Variants in ERG observed in about 807,000 individuals in gnomAD.
The protein encoded by ERG is transcriptional regulator ERG.
ERG carries 9 observed loss-of-function variants against 55.3 expected under a neutral mutation model. The observed-to-expected ratio is 0.16, with a 90% CI of 0.10 to 0.28. The LOEUF is 0.28. Among genes scored for constraint, ERG ranks in the 10% least tolerant of loss-of-function variants. ERG has a pLI of 1.00. For missense variants in ERG, 434 were observed against 631.6 expected (o/e 0.69, Z 3.35); for synonymous variants, 223 against 237.3 (o/e 0.94, Z 0.55).
intron 1 of ERG, among the ~76,000 whole-genome samples, chr21:38,467,317 GCCTCAAACAAA>G (rs71760552): frequency 0.3 from 45,422 of 151,952 alleles, 8,467 homozygotes; most frequent in Non-Finnish European, 0.41. Context: ...TTGCACTGTT[GCCTCAAACAAA>G]CCTCCCTCCT....
chr21:38,549,548 T>C (rs9978706), intron 2 of ERG, among the ~76,000 whole-genome samples: 3 of 151,674 alleles, frequency 2.0e-5, no homozygotes, highest in African/African-American at 7.3e-5. Flanking sequence ...ATTGTTGGGG[T>C]TTATTATTTG....
At chr21:38,480,456 T>G (rs1428219680) in intron 1 of ERG, among the ~76,000 whole-genome samples, 4 of 152,088 alleles carry the variant, frequency 2.6e-5, no homozygotes, top group African/African-American at 9.7e-5. Flanking sequence ...ACTCCCAAGC[T>G]ATAACAGAAT....
chr21:38,508,533 C>T (rs2059487387), intron 2 of ERG, among the ~76,000 whole-genome samples: 1 of 152,134 alleles, frequency 6.6e-6, no homozygotes, highest in Non-Finnish European at 1.5e-5. Context: ...ATAAGAGCTC[C>T]CATTTGTATA....
At position 38,445,386 on chromosome 21, in the gene ERG, G is replaced by A. The variant is rs1289413418; in HGVS notation, c.236+18C>T. 3.1e-6 allele frequency: 5 copies of A among 1,594,282 alleles called. No homozygotes were observed. The stretch of plus-strand genomic sequence containing the variant: ...AAAATGGGAGGTCAGGGAGAGAAAG[G>A]GGCGGAAGTCTCCTTACCTTGAGCC... On this transcript the variant is annotated intron_variant, in intron 2 of 9. Transcript: ENST00000288319.
chr21:38,520,741 C>T (rs753732392), intron 2 of ERG, among the ~76,000 whole-genome samples: 2 of 151,802 alleles, frequency 1.3e-5, no homozygotes, highest in South Asian at 2.1e-4. Flanking sequence ...GCAGAGAGCA[C>T]GAAAAAAGAA....
upstream of ERG, among the ~76,000 whole-genome samples, chr21:38,501,358 C>A (rs1039311227): frequency 4.0e-5 from 6 of 151,826 alleles, no homozygotes; most frequent in Non-Finnish European, 8.8e-5. Flanking sequence ...TGAACCACCA[C>A]GCCCGGCCAA....
At chr21:38,420,141 T>G (rs1349240310) in intron 3 of ERG, among the ~76,000 whole-genome samples, 1 of 152,136 alleles carries the variant, frequency 6.6e-6, no homozygotes, top group Non-Finnish European at 1.5e-5. Context: ...GAGAATTCTT[T>G]TTGCACACAT....
chr21:38,428,491 G>T (rs1464054630), intron 2 of ERG, among the ~76,000 whole-genome samples: 2 of 152,182 alleles, frequency 1.3e-5, no homozygotes, highest in Non-Finnish European at 2.9e-5. Flanking sequence ...GACGTTCAAT[G>T]CATTGTTTTA....
At chr21:38,547,961 A>G (rs2059798551) in intron 2 of ERG, among the ~76,000 whole-genome samples, 1 of 152,244 alleles carries the variant, frequency 6.6e-6, no homozygotes, top group East Asian at 1.9e-4. Flanking sequence ...ATGAAAATAC[A>G]TAGACTCTAA....
chr21:38,464,407 C>T (rs944456012), intron 1 of ERG, among the ~76,000 whole-genome samples: 5 of 152,142 alleles, frequency 3.3e-5, no homozygotes, highest in Non-Finnish European at 7.4e-5. Context: ...GACAAGAAGT[C>T]CTAAAACATC....
intron 1 of ERG, among the ~76,000 whole-genome samples, chr21:38,648,884 G>A (rs181222807): frequency 1.1e-4 from 17 of 152,272 alleles, no homozygotes; most frequent in African/African-American, 3.6e-4. Context: ...CACTAACGAC[G>A]ACACTTCAGA....
chr21:38,468,741 T>C (rs1168965579), intron 1 of ERG, among the ~76,000 whole-genome samples: 1 of 151,926 alleles, frequency 6.6e-6, no homozygotes, highest in Non-Finnish European at 1.5e-5. Context: ...ATCCCAGCAC[T>C]TTGGGAGGCC....
At chr21:38,493,923 T>C (rs1476930760) in intron 1 of ERG, among the ~76,000 whole-genome samples, 1 of 152,072 alleles carries the variant, frequency 6.6e-6, no homozygotes, top group African/African-American at 2.4e-5. Flanking sequence ...CCGTGGGAAA[T>C]GTTGAGACGA....
rs139816800 is a variant in ERG, at chr21:38,399,557, C to T, written c.745+1017G>A. On this transcript the variant is annotated intron_variant, in intron 6 of 9. Coordinates refer to ENST00000288319, the MANE Select transcript of ERG (RefSeq NM_182918.4). ...AGCTGTGAGGCTGGTACAATGATAC[C>T]TAGCTTATCGGGCTGATGTAAGTCC... Among the ~76,000 whole-genome samples, 14 of 152,320 alleles carry T rather than the reference C, an allele frequency of 9.2e-5. No homozygotes were observed. The East Asian group carries it at 2.7e-3, about 29-fold the overall frequency.
intron 2 of ERG, among the ~76,000 whole-genome samples, chr21:38,526,520 G>T (rs1046757289): frequency 1.3e-5 from 2 of 151,996 alleles, no homozygotes; most frequent in South Asian, 2.1e-4. Flanking sequence ...AACACATATG[G>T]CAATGAATAA....
At chr21:38,592,571 CTGTGTGTGTGTGTGTG>C (rs56195027) in intron 1 of ERG, among the ~76,000 whole-genome samples, 5,235 of 148,084 alleles carry the variant, frequency 0.035, 298 homozygotes, top group African/African-American at 0.12. Flanking sequence ...TCTCCCTTCA[CTGTGTGTGTGTGTGTG>C]TGTGTGTGTG....
chr21:38,592,921 C>A (rs2060109632), intron 1 of ERG, among the ~76,000 whole-genome samples: 1 of 152,154 alleles, frequency 6.6e-6, no homozygotes, highest in South Asian at 2.1e-4. Context: ...TCATGACATT[C>A]AATCAACCTT....
chr21:38,388,388 A>T (rs1194527029), intron 9 of ERG, among the ~76,000 whole-genome samples: 1 of 152,366 alleles, frequency 6.6e-6, no homozygotes, highest in Non-Finnish European at 1.5e-5. Flanking sequence ...TGCTGACATC[A>T]TCCTGTGCAT....
downstream of ERG, among the ~76,000 whole-genome samples, chr21:38,378,653 A>G (rs746569711): frequency 2.2e-4 from 34 of 152,176 alleles, no homozygotes; most frequent in Non-Finnish European, 4.1e-4. Flanking sequence ...CTGAACCTGC[A>G]CTAACTGTCC....
Sources: allele counts gnomAD v4.1 joint callset (sites outside exome capture counted in the v4.1 genomes callset), GRCh38; gene constraint gnomAD v4.1.1; transcripts MANE v1.5; gene names NCBI Gene and HGNC (gene_info 2026-07-23, HGNC 2026-07-21).